HAUS6: variants seen among roughly 807,000 people sequenced by gnomAD.
HAUS6 encodes the protein HAUS augmin like complex subunit 6, also known as HAUS augmin-like complex subunit 6.
Under a neutral mutation model 106.8 loss-of-function variants are expected in HAUS6, and 80 were observed. The observed-to-expected ratio is 0.75, with a 90% CI of 0.63 to 0.90. The LOEUF (loss-of-function observed/expected upper bound fraction) is 0.90. Ranked by LOEUF, HAUS6 falls within the 40% of genes least tolerant of loss-of-function variation. The pLI is 0.00. For missense variants in HAUS6, 1,155 were observed against 1,118.1 expected, an observed-to-expected ratio of 1.03 and a Z score of -0.47; for synonymous variants, 356 against 379.1, an observed-to-expected ratio of 0.94 and a Z score of 0.71.
chr9:19,084,106 G>A lies in HAUS6; in HGVS notation c.700-1063C>T, dbSNP rs553472983. The stretch of plus-strand genomic sequence containing the variant: ...AATGTCTATTTGTAACAATCAAAAA[G>A]TAGAATCAATCCAAAGGTCCATCCA... On this transcript the variant is annotated intron_variant, in intron 7 of 16. Transcript: ENST00000380502. Among the ~76,000 whole-genome samples the A allele has an allele frequency of 4.2e-5, 6 of 143,836 alleles. No individual in the cohort carries two copies. In the South Asian group the frequency reaches 1.1e-3, roughly 26 times the overall value. The allele number at this position is 143,836 out of a possible 152,430, so 94.4% of individuals were successfully genotyped here. A position where few individuals can be genotyped will look rare whatever the true frequency, so the allele number is the denominator to read the frequency against.
chr9:19,060,889 T>C (rs1170574826), intron 14 of HAUS6, among the ~76,000 whole-genome samples: 1 of 152,202 alleles, frequency 6.6e-6, no homozygotes, highest in East Asian at 1.9e-4. Flanking sequence ...AGGCCGGGCA[T>C]GGTGGCTCAC....
chr9:19,074,505 T>C (rs1344898627), intron 11 of HAUS6, among the ~76,000 whole-genome samples: 3 of 152,062 alleles, frequency 2.0e-5, no homozygotes, highest in Non-Finnish European at 4.4e-5. Context: ...CTCCTGGGCT[T>C]AAGCAATCTT....
chr9:19,099,591 T>C (rs940953559), intron 1 of HAUS6, among the ~76,000 whole-genome samples: 18 of 152,176 alleles, frequency 1.2e-4, no homozygotes, highest in East Asian at 7.7e-4. Flanking sequence ...TGCCCTCCCA[T>C]AGCACAGGGA....
chr9:19,090,944 A>C (rs1817731163), intron 4 of HAUS6, among the ~76,000 whole-genome samples: 1 of 152,176 alleles, frequency 6.6e-6, no homozygotes, highest in African/African-American at 2.4e-5. Context: ...AATATTCTGA[A>C]AATCAGGGAC....
Position 19,053,174 on chromosome 9 carries a change from T to A in HAUS6, c.*3169A>T, listed in dbSNP as rs563079694. Reference sequence around the variant, plus strand: ...AAAATATTTATTGAAAACAACAGTATTTAAAACATTTACAGAGAGTCCCAT... The same window carrying A: ...AAAATATTTATTGAAAACAACAGTAATTAAAACATTTACAGAGAGTCCCAT... On this transcript the variant is annotated 3_prime_UTR_variant, in exon 17 of 17. Coordinates refer to ENST00000380502, the MANE Select transcript of HAUS6 (RefSeq NM_017645.5). 1 of 152,154 alleles carries A rather than the reference T, an allele frequency of 6.6e-6. No homozygotes were observed. The highest frequency in any genetic ancestry group is 2.4e-5 in the African/African-American group (1 of 41,458). 9.4% of individuals were successfully genotyped at this position (152,154 alleles called of 1,614,324 possible).
intron 12 of HAUS6, among the ~76,000 whole-genome samples, chr9:19,066,614 T>A (rs928443594): frequency 6.6e-6 from 1 of 152,062 alleles, no homozygotes; most frequent in Non-Finnish European, 1.5e-5. Context: ...TTGCAAAGAA[T>A]GCTAATGCTC....
intron 11 of HAUS6, among the ~76,000 whole-genome samples, chr9:19,074,195 C>T (rs192514918): frequency 5.4e-4 from 82 of 151,880 alleles, no homozygotes; most frequent in African/African-American, 1.9e-3. Flanking sequence ...TGCAATGAGC[C>T]GAGATCGCAC....
rs141308291 is a variant in HAUS6 at position 19,058,436 on chromosome 9, G to A, written c.2331C>T (p.His777=). The A allele has an allele frequency of 3.6e-5, 57 of 1,601,942 alleles. No homozygotes were observed. Among genetic ancestry groups the A allele is most frequent in the African/African-American group, 1.1e-4 (8 of 73,406 alleles). Reference sequence around the variant, plus strand: ...GACCAACTTCTTCCGGGAGAGTTTCGTGTAATATGCCAAAATCATTATCTT... The same window carrying A: ...GACCAACTTCTTCCGGGAGAGTTTCATGTAATATGCCAAAATCATTATCTT... ...SFKDNDFGIL[H]ETLPEEVGHL... Residue 777 remains histidine, a synonymous_variant, in exon 16 of 17, where the codon CAC becomes CAT. Transcript: ENST00000380502.
rs1188798156 is a variant in HAUS6, at chr9:19,053,263, G to T, written c.*3080C>A. 2 of 152,026 alleles carry T rather than the reference G, an allele frequency of 1.3e-5. No individual in the cohort carries two copies. Among genetic ancestry groups the T allele is most frequent in the Non-Finnish European group, 2.9e-5 (2 of 67,974 alleles). The allele number at this position is 152,026 out of a possible 1,614,324, so 9.4% of individuals were successfully genotyped here. ...GCTATTCACAATGCATAAAGAAAAA[G>T]GTGATCTCTAGAGCAACTATGTATC... is the stretch of plus-strand genomic sequence containing the variant. On this transcript the variant is annotated 3_prime_UTR_variant, in exon 17 of 17. Coordinates refer to ENST00000380502, the MANE Select transcript of HAUS6 (RefSeq NM_017645.5).
chr9:19,058,255 C>T lies in HAUS6; in HGVS notation c.2512G>A (p.Glu838Lys), dbSNP rs1378180924. ...TTGGAAAGAGATTTCTTCAGAGCCTCGTATCTACTGCGAAGAGCCTGTAAA... is the reference window on the plus strand; with the variant it reads ...TTGGAAAGAGATTTCTTCAGAGCCTTGTATCTACTGCGAAGAGCCTGTAAA... Reference protein sequence around the residue: ...FNLQALRSRYEALKKSLSKKR... With the variant: ...FNLQALRSRYKALKKSLSKKR... The change falls in exon 16 of 17, where the codon GAG becomes AAG. Residue 838 changes from glutamate (E) to lysine (K), a missense_variant. This residue lies in a region of HAUS6 where 380 missense variants were observed against 394.8 expected (regional missense o/e 0.96). Coordinates refer to ENST00000380502, the MANE Select transcript of HAUS6 (RefSeq NM_017645.5). The T allele has an allele frequency of 5.6e-6, 9 of 1,613,712 alleles. No homozygotes were observed. The highest frequency in any genetic ancestry group is 2.7e-5 in the African/African-American group (2 of 74,878).
rs1183349189 is a variant in HAUS6 at position 19,053,959 on chromosome 9, T to C, written c.*2384A>G. 6.6e-6 allele frequency: 1 copy of C among 152,128 alleles called. No individual in the cohort carries two copies. The highest frequency in any genetic ancestry group is 1.9e-4 in the East Asian group (1 of 5,202). 9.4% of individuals were successfully genotyped at this position (152,128 alleles called of 1,614,324 possible). A position where few individuals can be genotyped will look rare whatever the true frequency, so the allele number is the denominator to read the frequency against. On this transcript the variant is annotated 3_prime_UTR_variant, in exon 17 of 17. Coordinates refer to ENST00000380502, the MANE Select transcript of HAUS6 (RefSeq NM_017645.5). Reference sequence around the variant, plus strand: ...AGACCACATGCAACCATAAAAAATATATAATAAAATCAATTCGTGGGATAT... The same window carrying C: ...AGACCACATGCAACCATAAAAAATACATAATAAAATCAATTCGTGGGATAT...
chr9:19,072,200 A>AG (rs1836894823), intron 11 of HAUS6, among the ~76,000 whole-genome samples: 1 of 150,976 alleles, frequency 6.6e-6, no homozygotes, highest in African/African-American at 2.4e-5. Context: ...CAAAAAAAAA[A>AG]AAGAAAAGAA....
chr9:19,070,541 G>C (rs547955736), intron 11 of HAUS6, among the ~76,000 whole-genome samples: 1 of 152,228 alleles, frequency 6.6e-6, no homozygotes, highest in East Asian at 1.9e-4. Flanking sequence ...GTTACTCAAA[G>C]ACTAAGAATC....
intron 7 of HAUS6, among the ~76,000 whole-genome samples, chr9:19,083,268 A>C (rs1015027693): frequency 2.6e-5 from 4 of 152,022 alleles, no homozygotes; most frequent in Non-Finnish European, 4.4e-5. Flanking sequence ...TTTTCAAACA[A>C]ATCTAAGAAT....
chr9:19,100,577 G>A (rs921317680), intron 1 of HAUS6, among the ~76,000 whole-genome samples: 1 of 151,998 alleles, frequency 6.6e-6, no homozygotes, highest in Non-Finnish European at 1.5e-5. Flanking sequence ...CCCACTGCTG[G>A]GTATATATCC....
At chr9:19,066,677 T>C (rs747666889) in intron 12 of HAUS6, among the ~76,000 whole-genome samples, 1 of 151,926 alleles carries the variant, frequency 6.6e-6, no homozygotes, top group African/African-American at 2.4e-5. Flanking sequence ...TTAAGTATAA[T>C]GCAGCCTCTC....
chr9:19,053,906 A>C lies in HAUS6; in HGVS notation c.*2437T>G, dbSNP rs1222221224. 3 of 152,108 alleles carry C rather than the reference A, an allele frequency of 2.0e-5. No individual in the cohort carries two copies. Among genetic ancestry groups the C allele is most frequent in the African/African-American group, 7.2e-5 (3 of 41,418 alleles). The allele number at this position is 152,108 out of a possible 1,614,324, so 9.4% of individuals were successfully genotyped here. On this transcript the variant is annotated 3_prime_UTR_variant, in exon 17 of 17. Transcript: ENST00000380502. ...TACATAGGTGTATATGTATTTATGCATGTATGTGTATATTGCTATAACTAG... is the reference window on the plus strand; with the variant it reads ...TACATAGGTGTATATGTATTTATGCCTGTATGTGTATATTGCTATAACTAG...
At chr9:19,065,207 A>C (rs1836735071) in intron 12 of HAUS6, 1 of 152,234 alleles carries the variant, frequency 6.6e-6, no homozygotes, top group South Asian at 2.1e-4. Flanking sequence ...CATGCTATTA[A>C]ACCTGCTAAC....
Position 19,094,424 on chromosome 9 carries a change from C to G in HAUS6, c.225-29G>C, listed in dbSNP as rs201056093. 759 of 1,255,386 alleles carry G rather than the reference C, an allele frequency of 6.0e-4. 1 individual carries two copies. The African/African-American group carries it at 0.01, about 17-fold the overall frequency. 77.8% of individuals were successfully genotyped at this position (1,255,386 alleles called of 1,614,324 possible). A position where few individuals can be genotyped will look rare whatever the true frequency, so the allele number is the denominator to read the frequency against. On this transcript the variant is annotated intron_variant, in intron 2 of 16. Coordinates refer to ENST00000380502, the MANE Select transcript of HAUS6 (RefSeq NM_017645.5). ...GAAAACAAAAATAAAAGCGTAAGGA[C>G]TATGCACAACAATAGCCAAAAAAAA...
Sources: gnomAD v4.1 joint callset for allele counts (sites outside exome capture counted in the v4.1 genomes callset) on GRCh38, gnomAD v4.1.1 for gene constraint, gnomAD v4.1.1 regional missense constraint, MANE v1.5 for transcripts, NCBI Gene and HGNC (gene_info 2026-07-23, HGNC 2026-07-21) for gene names.